GPD2: variants seen among roughly 807,000 people sequenced by gnomAD.
GPD2 encodes the protein glycerol-3-phosphate dehydrogenase, mitochondrial.
Under a neutral mutation model 82.4 loss-of-function variants are expected in GPD2, and 54 were observed. That is an observed-to-expected ratio of 0.66 (90% CI 0.53 to 0.82). The LOEUF is 0.82. Ranked by LOEUF, GPD2 falls within the 40% of genes least tolerant of loss-of-function variation. The pLI, the probability that GPD2 is intolerant of heterozygous loss-of-function variation, is 0.00. For missense variants in GPD2, 748 were observed against 896.2 expected (o/e 0.83, Z 2.11); for synonymous variants, 288 against 306.1 (o/e 0.94, Z 0.62).
intron 8 of GPD2, among the ~76,000 whole-genome samples, chr2:156,555,053 C>T (rs1445447897): frequency 6.6e-6 from 1 of 152,232 alleles, no homozygotes; most frequent in Non-Finnish European, 1.5e-5. Flanking sequence ...TATCCATTCT[C>T]AAACTTTAGT....
chr2:156,523,048 CT>C (rs1685470251), intron 6 of GPD2, among the ~76,000 whole-genome samples: 1 of 152,138 alleles, frequency 6.6e-6, no homozygotes. Flanking sequence ...ACATCCCTCA[CT>C]GCAGTGAAGC....
the GPD2 span, among the ~76,000 whole-genome samples, chr2:156,423,407 T>A: frequency 6.6e-6 from 1 of 152,154 alleles, no homozygotes; most frequent in African/African-American, 2.4e-5. Flanking sequence ...TGAGCATGAG[T>A]TCTTTCTGTA....
Position 156,513,414 on chromosome 2 carries a change from T to G in GPD2, c.579T>G (p.Tyr193Ter), listed in dbSNP as rs376931205. 6.2e-7 allele frequency: 1 copy of G among 1,612,626 alleles called. No homozygotes were observed. The highest frequency in any genetic ancestry group is 8.5e-7 in the Non-Finnish European group (1 of 1,178,938). The change falls in exon 6 of 17, where the codon TAT becomes TAG. Residue 193 changes from tyrosine to a stop codon, truncating the protein, a stop_gained. Coordinates refer to ENST00000438166, the MANE Select transcript of GPD2 (RefSeq NM_000408.5). LOFTEE classifies it high-confidence loss of function. ...GAAGCAATTGCCTAAAAAGCAGTTATGTCCTCAGCAAATCAAGAGCCCTTG... is the reference window on the plus strand; with the variant it reads ...GAAGCAATTGCCTAAAAAGCAGTTAGGTCCTCAGCAAATCAAGAGCCCTTG... ...VAGSNCLKSS[Y>*]VLSKSRALEH...
chr2:156,523,670 C>CTAGATAGA (rs3086039), intron 6 of GPD2, among the ~76,000 whole-genome samples: 9,056 of 146,624 alleles, frequency 0.062, 318 homozygotes, highest in East Asian at 0.084. Flanking sequence ...AATTTCTTTT[C>CTAGATAGA]TAGATAGATA....
At position 156,476,225 on chromosome 2, in the gene GPD2, T is replaced by G. The variant is rs773311186; in HGVS notation, c.102+18T>G. The G allele has an allele frequency of 3.8e-6, 5 of 1,306,752 alleles. No individual in the cohort carries two copies. The highest frequency in any genetic ancestry group is 1.7e-5 in the Admixed American group (1 of 59,682). The allele number at this position is 1,306,752 out of a possible 1,614,324, so 80.9% of individuals were successfully genotyped here. A position where few individuals can be genotyped will look rare whatever the true frequency, so the allele number is the denominator to read the frequency against. On this transcript the variant is annotated intron_variant, in intron 2 of 16. Transcript: ENST00000438166. The stretch of plus-strand genomic sequence containing the variant: ...GGAAACAAGTAAGTAACTGTACTTG[T>G]GTTGATTACAGTATGCAACTTAAAT...
the GPD2 span, among the ~76,000 whole-genome samples, chr2:156,413,798 G>A: frequency 6.6e-6 from 1 of 152,130 alleles, no homozygotes; most frequent in Non-Finnish European, 1.5e-5. Flanking sequence ...CAGCTACGTG[G>A]GAGGCTGAGG....
chr2:156,529,897 G>C (rs932609663), intron 6 of GPD2, among the ~76,000 whole-genome samples: 1 of 152,020 alleles, frequency 6.6e-6, no homozygotes, highest in African/African-American at 2.4e-5. Context: ...TGTTCTTTTG[G>C]CTTAGGATTG....
chr2:156,510,988 T>G lies in GPD2; in HGVS notation c.399+68T>G, dbSNP rs1016936804. The G allele has an allele frequency of 3.7e-6, 5 of 1,341,174 alleles. No homozygotes were observed. In the African/African-American group the frequency reaches 7.2e-5, roughly 19 times the overall value. The allele number at this position is 1,341,174 out of a possible 1,614,324, so 83.1% of individuals were successfully genotyped here. A position where few individuals can be genotyped will look rare whatever the true frequency, so the allele number is the denominator to read the frequency against. ...CTTTTTTCTACCCAATTAAATCAGG[T>G]TTTTTTTTCTTTAATGGCTTAAAAG... On this transcript the variant is annotated intron_variant, in intron 4 of 16. Coordinates refer to ENST00000438166, the MANE Select transcript of GPD2 (RefSeq NM_000408.5).
intron 8 of GPD2, among the ~76,000 whole-genome samples, chr2:156,552,595 T>C (rs750428594): frequency 3.3e-5 from 5 of 152,238 alleles, no homozygotes; most frequent in Non-Finnish European, 7.3e-5. Flanking sequence ...GTGTGCCTTA[T>C]GTTTTCTTCA....
the GPD2 span, among the ~76,000 whole-genome samples, chr2:156,420,622 A>G: frequency 1.3e-5 from 2 of 152,256 alleles, no homozygotes; most frequent in African/African-American, 4.8e-5. Context: ...TATAAAAACA[A>G]AACTAATTTC....
rs193188906 is a variant in GPD2, at chr2:156,524,939, G to T, written c.661+11443G>T. Among the ~76,000 whole-genome samples, 12 of 152,130 alleles carry T rather than the reference G, an allele frequency of 7.9e-5. No individual in the cohort carries two copies. In the East Asian group the frequency reaches 1.5e-3, roughly 20 times the overall value. On this transcript the variant is annotated intron_variant, in intron 6 of 16. Transcript: ENST00000438166. ...TAGATAATTACAGCATTTCATTAGA[G>T]GTTAAGGGGTTATAAAATGTTACTT...
chr2:156,557,462 A>G lies in GPD2; in HGVS notation c.1045A>G (p.Met349Val). 6.2e-7 allele frequency: 1 copy of G among 1,609,522 alleles called. No individual in the cohort carries two copies. Among genetic ancestry groups the G allele is most frequent in the Non-Finnish European group, 8.5e-7 (1 of 1,175,788 alleles). Reference sequence around the variant, plus strand: ...TATTTTCTTCTTACCCTGGCAAAAGATGACGATCGCTGGCACTACTGATAC... The same window carrying G: ...TATTTTCTTCTTACCCTGGCAAAAGGTGACGATCGCTGGCACTACTGATAC... ...RVIFFLPWQK[M>V]TIAGTTDTPT... Residue 349 changes from methionine to valine, a missense_variant, in exon 9 of 17, where the codon ATG (methionine) becomes GTG (valine). Transcript: ENST00000438166.
At chr2:156,511,520 T>C (rs989903839) in intron 4 of GPD2, among the ~76,000 whole-genome samples, 1 of 152,230 alleles carries the variant, frequency 6.6e-6, no homozygotes, top group Admixed American at 6.5e-5. Context: ...CTTGACATTG[T>C]CAAGTTTTGA....
At chr2:156,469,650 C>T (rs896613605) in intron 1 of GPD2, among the ~76,000 whole-genome samples, 13 of 152,066 alleles carry the variant, frequency 8.5e-5, no homozygotes, top group African/African-American at 2.7e-4. Flanking sequence ...ATGCATGCCC[C>T]GAGGACAGCA....
chr2:156,578,775 G>T, intron 13 of GPD2, 114 bp from the exon 14 acceptor site: 2 of 700,618 alleles, frequency 2.9e-6, no homozygotes, highest in South Asian at 1.6e-5. Context: ...AAAAAATTGT[G>T]CTGGTTAGAT....
intron 2 of GPD2, among the ~76,000 whole-genome samples, chr2:156,486,968 T>C (rs1177475435): frequency 6.6e-6 from 1 of 152,096 alleles, no homozygotes; most frequent in Non-Finnish European, 1.5e-5. Flanking sequence ...GTGAGCCCTC[T>C]TTAACTTCTG....
the GPD2 span, among the ~76,000 whole-genome samples, chr2:156,408,549 G>C: frequency 6.6e-6 from 1 of 151,562 alleles, no homozygotes; most frequent in Admixed American, 6.6e-5. Context: ...AACATAGGGA[G>C]ACCACCCCCT....
chr2:156,531,786 G>T (rs1479684937), intron 6 of GPD2, among the ~76,000 whole-genome samples: 1 of 152,112 alleles, frequency 6.6e-6, no homozygotes, highest in Non-Finnish European at 1.5e-5. Flanking sequence ...TTCAGCCTAG[G>T]CATGGACCAC....
At chr2:156,495,226 G>A (rs1320543953) in intron 2 of GPD2, among the ~76,000 whole-genome samples, 1 of 152,104 alleles carries the variant, frequency 6.6e-6, no homozygotes, top group Admixed American at 6.6e-5. Flanking sequence ...GCGCACACCT[G>A]TAGTCCCAGC....
Sources: gnomAD v4.1 joint callset for allele counts (sites outside exome capture counted in the v4.1 genomes callset) on GRCh38, gnomAD v4.1.1 for gene constraint, MANE v1.5 for transcripts, NCBI Gene and HGNC (gene_info 2026-07-23, HGNC 2026-07-21) for gene names.